The following ERN1 variants were observed in gnomAD, a reference collection of about 807,000 sequenced individuals.
The protein encoded by ERN1 is serine/threonine-protein kinase/endoribonuclease IRE1.
In ERN1, 39 loss-of-function variants were observed where a neutral mutation model predicts 113.1. That is an observed-to-expected ratio of 0.34 (90% CI 0.27 to 0.45). The LOEUF is 0.45. Among genes scored for constraint, ERN1 ranks in the 20% least tolerant of loss-of-function variants. ERN1 has a pLI of 1.00. For missense variants in ERN1, 976 were observed against 1,274.8 expected, an observed-to-expected ratio of 0.77 and a Z score of 3.57; for synonymous variants, 507 against 515.9, an observed-to-expected ratio of 0.98 and a Z score of 0.23.
chr17:64,058,598 T>C (rs1232864017), intron 11 of ERN1, among the ~76,000 whole-genome samples: 1 of 152,078 alleles, frequency 6.6e-6, no homozygotes, highest in Non-Finnish European at 1.5e-5. Context: ...TTAAATCAGA[T>C]AAAAATGGAG....
rs188632705 is a variant in ERN1 at position 64,109,249 on chromosome 17, A to G, written c.55-11008T>C. Among the ~76,000 whole-genome samples, 114 of 152,272 alleles carry G rather than the reference A, an allele frequency of 7.5e-4. 1 individual carries two copies. The highest frequency in any genetic ancestry group is 1.7e-3 in the South Asian group (8 of 4,824). On this transcript the variant is annotated intron_variant, in intron 1 of 21. Coordinates refer to ENST00000433197, the MANE Select transcript of ERN1 (RefSeq NM_001433.5). ...TCTGAAACTGTCAATTTTGCTCTTC[A>G]TATTTAGTTAGGAATTTCTTGCAGG...
At chr17:64,115,928 A>G (rs940484323) in intron 1 of ERN1, among the ~76,000 whole-genome samples, 3 of 152,308 alleles carry the variant, frequency 2.0e-5, no homozygotes, top group African/African-American at 4.8e-5. Flanking sequence ...TCTAGCCCCA[A>G]CCAATCAAAA....
intron 1 of ERN1, among the ~76,000 whole-genome samples, chr17:64,117,158 T>C (rs1295204011): frequency 1.4e-5 from 2 of 146,136 alleles, no homozygotes; most frequent in Non-Finnish European, 3.0e-5. Flanking sequence ...AAATCAACAA[T>C]GTGGCCAGGC....
intron 5 of ERN1, among the ~76,000 whole-genome samples, chr17:64,072,928 T>C (rs1039068814): frequency 6.6e-6 from 1 of 152,140 alleles, no homozygotes; most frequent in African/African-American, 2.4e-5. Flanking sequence ...TCCTAACTTA[T>C]TGGAAAAGTC....
intron 2 of ERN1, among the ~76,000 whole-genome samples, chr17:64,089,547 A>T (rs1339087213): frequency 6.6e-6 from 1 of 152,108 alleles, no homozygotes; most frequent in Non-Finnish European, 1.5e-5. Context: ...AAAATCAGAA[A>T]CACTTCAGGT....
intron 2 of ERN1, among the ~76,000 whole-genome samples, chr17:64,092,186 G>C (rs1267422767): frequency 6.6e-6 from 1 of 152,174 alleles, no homozygotes; most frequent in Non-Finnish European, 1.5e-5. Flanking sequence ...AATGGGGCCA[G>C]AGAGGAGTCA....
intron 6 of ERN1, among the ~76,000 whole-genome samples, chr17:64,070,160 G>C (rs1265610800): frequency 6.6e-6 from 1 of 152,162 alleles, no homozygotes; most frequent in Non-Finnish European, 1.5e-5. Flanking sequence ...GCCATATCAA[G>C]AGTCCAGGCT....
At chr17:64,120,231 C>T (rs1373930496) in intron 1 of ERN1, among the ~76,000 whole-genome samples, 1 of 152,130 alleles carries the variant, frequency 6.6e-6, no homozygotes, top group Non-Finnish European at 1.5e-5. Flanking sequence ...AGTTGTGGCC[C>T]CCTGTACAGG....
At chr17:64,052,724 T>A in intron 17 of ERN1, 56 bp downstream of exon 17, 1 of 1,532,186 alleles carries the variant, frequency 6.5e-7, no homozygotes, top group African/African-American at 1.4e-5. Context: ...GTTCTACTCC[T>A]GAAGATACAA....
At position 64,063,562 on chromosome 17, in the gene ERN1, G is replaced by A. The variant is rs532361370; in HGVS notation, c.1087+424C>T. 3.9e-5 allele frequency among the ~76,000 whole-genome samples: 6 copies of A among 152,086 alleles called. No individual in the cohort carries two copies. Among genetic ancestry groups the A allele is most frequent in the Admixed American group, 1.3e-4 (2 of 15,282 alleles). On this transcript the variant is annotated intron_variant, in intron 10 of 21. Transcript: ENST00000433197. The surrounding 1 kb of genome is among the most constrained non-coding windows in gnomAD (Gnocchi z 5.1). ...AATCCCTCCCGGGTCCTCAGCCCTCGCCTCTCCAACCCCTCACCCTCATGC... is the reference window on the plus strand; with the variant it reads ...AATCCCTCCCGGGTCCTCAGCCCTCACCTCTCCAACCCCTCACCCTCATGC...
At chr17:64,085,651 A>G (rs1235582011) in intron 2 of ERN1, among the ~76,000 whole-genome samples, 1 of 152,160 alleles carries the variant, frequency 6.6e-6, no homozygotes. Context: ...CACTTTTAAT[A>G]ATCCAGCAGA....
chr17:64,124,126 TG>T (rs1915019857), intron 1 of ERN1, among the ~76,000 whole-genome samples: 1 of 152,218 alleles, frequency 6.6e-6, no homozygotes, highest in African/African-American at 2.4e-5. Context: ...TAAGAGACAC[TG>T]TAACCCTCCT....
At chr17:64,071,704 G>C (rs1243672061) in intron 6 of ERN1, among the ~76,000 whole-genome samples, 1 of 152,170 alleles carries the variant, frequency 6.6e-6, no homozygotes, top group Non-Finnish European at 1.5e-5. Flanking sequence ...TTACAGGCGT[G>C]AGCCACCACG....
intron 6 of ERN1, 75 bp downstream of exon 6, chr17:64,071,906 G>C: frequency 1.1e-5 from 17 of 1,502,046 alleles, no homozygotes; most frequent in South Asian, 8.5e-5. Flanking sequence ...CCACCTTCTA[G>C]GGAAGGAGGC....
chr17:64,072,754 T>C (rs943381829), intron 5 of ERN1, among the ~76,000 whole-genome samples: 1 of 152,164 alleles, frequency 6.6e-6, no homozygotes, highest in Non-Finnish European at 1.5e-5. Context: ...AATAACACTA[T>C]ATATTAAGAA....
In ERN1 at chr17:64,098,251, G is replaced by A; in HGVS notation, c.55-10C>T. On this transcript the variant is annotated splice_polypyrimidine_tract_variant and intron_variant, in intron 1 of 21. Transcript: ENST00000433197. Reference sequence around the variant, plus strand: ...TGGTACTTCCAAAAATCTGCAACGAGATGTAGAAGACTCTTAATGTTGATA... The same window carrying A: ...TGGTACTTCCAAAAATCTGCAACGAAATGTAGAAGACTCTTAATGTTGATA... 1 of 1,613,870 alleles carries A rather than the reference G, an allele frequency of 6.2e-7. No homozygotes were observed. Among genetic ancestry groups the A allele is most frequent in the Non-Finnish European group, 8.5e-7 (1 of 1,179,814 alleles).
At chr17:64,109,619 C>T (rs568779391) in intron 1 of ERN1, among the ~76,000 whole-genome samples, 2 of 152,188 alleles carry the variant, frequency 1.3e-5, no homozygotes, top group Non-Finnish European at 2.9e-5. Flanking sequence ...CCAGTAGGGA[C>T]TGTTTACTGC....
chr17:64,103,674 G>A (rs1030958290), intron 1 of ERN1, among the ~76,000 whole-genome samples: 1 of 152,106 alleles, frequency 6.6e-6, no homozygotes, highest in Admixed American at 6.5e-5. Flanking sequence ...TGTGAATTCA[G>A]CTAATTGTTA....
At chr17:64,114,779 C>T (rs1444978682) in intron 1 of ERN1, among the ~76,000 whole-genome samples, 3 of 152,152 alleles carry the variant, frequency 2.0e-5, no homozygotes, top group Non-Finnish European at 2.9e-5. Flanking sequence ...TTCACACTCT[C>T]GGTGAGTCTC....
Sources: gnomAD v4.1 joint callset for allele counts (sites outside exome capture counted in the v4.1 genomes callset) on GRCh38, gnomAD v4.1.1 for gene constraint, Gnocchi (gnomAD v3.1) non-coding constraint, MANE v1.5 for transcripts, NCBI Gene and HGNC (gene_info 2026-07-23, HGNC 2026-07-21) for gene names.